The following ANKMY1 variants were observed in gnomAD, a reference collection of about 807,000 sequenced individuals.
ANKMY1 encodes the protein ankyrin repeat and MYND domain-containing protein 1.
In ANKMY1, 98 loss-of-function variants were observed where a neutral mutation model predicts 102.0. That is an observed-to-expected ratio of 0.96 (90% CI 0.82 to 1.14). The LOEUF (loss-of-function observed/expected upper bound fraction) is 1.14. Among genes scored for constraint, ANKMY1 ranks in the 50% most tolerant of loss-of-function variants. The pLI, the probability that ANKMY1 is intolerant of heterozygous loss-of-function variation, is 0.00. For missense variants in ANKMY1, 1,330 were observed against 1,347.6 expected (o/e 0.99, Z 0.20); for synonymous variants, 582 against 559.9 (o/e 1.04, Z -0.56).
At chr2:240,527,039 G>T in intron 5 of ANKMY1, 1 of 989,718 alleles carries the variant, frequency 1.0e-6, no homozygotes, top group Non-Finnish European at 1.2e-6. Context: ...ATGGATGGTT[G>T]GGTAGGTGGA....
chr2:240,542,748 T>C (rs1399027233), intron 4 of ANKMY1, among the ~76,000 whole-genome samples: 2 of 148,992 alleles, frequency 1.3e-5, no homozygotes, highest in Non-Finnish European at 3.0e-5. Context: ...ATGTATAAAT[T>C]TATTATGTTA....
In ANKMY1 at chr2:240,511,930, G is replaced by A. The variant is rs1340238774; in HGVS notation, c.2217C>T (p.Asp739=). Residue 739 remains aspartate, a synonymous_variant, in exon 11 of 18, where the codon GAC becomes GAT. Transcript: ENST00000401804. ...PGPPQAYYST[D]TALPEEGGRT... ...TGCCCCCCTCCTCCGGGAGGGCTGT[G>A]TCCGTGCTGTAGTAGGCTTGGGGAG... 1.3e-6 allele frequency: 2 copies of A among 1,580,040 alleles called. No individual in the cohort carries two copies. Among genetic ancestry groups the A allele is most frequent in the Non-Finnish European group, 1.7e-6 (2 of 1,169,426 alleles).
At chr2:240,507,134 A>AT (rs2079212418) in intron 13 of ANKMY1, among the ~76,000 whole-genome samples, 1 of 151,892 alleles carries the variant, frequency 6.6e-6, no homozygotes, top group South Asian at 2.1e-4. Flanking sequence ...GCCACTTCAT[A>AT]TTTTTTAAGG....
rs2082036500 is a variant in ANKMY1 at position 240,520,629 on chromosome 2, C to T, written c.1833-96G>A. 1 of 1,434,224 alleles carries T rather than the reference C, an allele frequency of 7.0e-7. No homozygotes were observed. The highest frequency in any genetic ancestry group is 1.4e-5 in the South Asian group (1 of 72,744). 88.8% of individuals were successfully genotyped at this position (1,434,224 alleles called of 1,614,324 possible). ...CCAGCGAGGAGGCTGGGGAGGGGCG[C>T]GTAGGGAGTATGTGTGTGCCGCAAC... On this transcript the variant is annotated intron_variant, in intron 8 of 17. Transcript: ENST00000401804. The surrounding 1 kb of genome is among the most constrained non-coding windows in gnomAD (Gnocchi z 4.8).
At chr2:240,548,706 C>T (rs1323631385) in intron 4 of ANKMY1, among the ~76,000 whole-genome samples, 2 of 151,596 alleles carry the variant, frequency 1.3e-5, no homozygotes, top group African/African-American at 4.9e-5. Context: ...CAAAAGCATT[C>T]TTATACACCA....
At chr2:240,471,430 T>C in the ANKMY1 span, among the ~76,000 whole-genome samples, 45,924 of 116,644 alleles carry the variant, frequency 0.39, 7,296 homozygotes, top group Middle Eastern at 0.48. Flanking sequence ...AATGAAAAAA[T>C]AAAATAAAAT....
Position 240,524,180 on chromosome 2 carries a change from T to C in ANKMY1, c.1537A>G (p.Ile513Val), listed in dbSNP as rs998143817. 9 of 1,613,802 alleles carry C rather than the reference T, an allele frequency of 5.6e-6. No individual in the cohort carries two copies. Among genetic ancestry groups the C allele is most frequent in the Non-Finnish European group, 7.6e-6 (9 of 1,180,036 alleles). ...FQDTGQCGGS[I>V]DHRSSSLKGD... ...TTCAGAGAGCTGCTCCTGTGGTCTA[T>C]GGACCCCCCACACTGCCCGGTGTCC... Residue 513 changes from isoleucine to valine, a missense_variant, in exon 8 of 18, where the codon ATA (isoleucine) becomes GTA (valine). By Grantham distance (29) the Ile-to-Val change is conservative. Transcript: ENST00000401804.
intron 9 of ANKMY1, among the ~76,000 whole-genome samples, chr2:240,514,157 G>A (rs901467714): frequency 1.3e-5 from 2 of 152,242 alleles, no homozygotes; most frequent in South Asian, 4.1e-4. Flanking sequence ...GCTGAGGGGT[G>A]AATCAGGAAA....
Position 240,499,844 on chromosome 2 carries a change from C to T in ANKMY1, c.2806+114G>A. ...GGGGACAAGCCGACGAGCCCAGCCC[C>T]AGGAAGGCCCCTCCAAGAGCCCCAG... On this transcript the variant is annotated intron_variant, in intron 15 of 17. Transcript: ENST00000401804. This position sits in a 1 kb window ranked among gnomAD's most constrained non-coding sequence, Gnocchi z 4.2. 1.5e-6 allele frequency: 2 copies of T among 1,355,864 alleles called. No homozygotes were observed. The highest frequency in any genetic ancestry group is 3.1e-5 in the South Asian group (2 of 64,432). The allele number at this position is 1,355,864 out of a possible 1,614,324, so 84.0% of individuals were successfully genotyped here.
intron 15 of ANKMY1, among the ~76,000 whole-genome samples, chr2:240,494,417 A>G (rs982253864): frequency 1.2e-4 from 19 of 152,082 alleles, no homozygotes; most frequent in Non-Finnish European, 2.8e-4. Flanking sequence ...CCCCACTTAC[A>G]TCCCTGTCTC....
At chr2:240,552,689 AG>A (rs1478754190) in intron 4 of ANKMY1, 1 of 608,366 alleles carries the variant, frequency 1.6e-6, no homozygotes, top group Non-Finnish European at 2.8e-6. Flanking sequence ...TTAAATCTAA[AG>A]GACATGTAAC....
At chr2:240,487,304 A>C (rs2076165262) in intron 15 of ANKMY1, among the ~76,000 whole-genome samples, 1 of 152,234 alleles carries the variant, frequency 6.6e-6, no homozygotes, top group African/African-American at 2.4e-5. Context: ...TACAAATGAC[A>C]TGATTTAATT....
At chr2:240,501,047 T>C (rs1215287697) in intron 13 of ANKMY1, among the ~76,000 whole-genome samples, 1 of 151,986 alleles carries the variant, frequency 6.6e-6, no homozygotes, top group East Asian at 1.9e-4. Flanking sequence ...TGTGCATGCA[T>C]GGGTATGTGT....
chr2:240,538,042 A>G (rs2087333271), intron 4 of ANKMY1, among the ~76,000 whole-genome samples: 2 of 152,216 alleles, frequency 1.3e-5, no homozygotes, highest in Admixed American at 6.5e-5. Flanking sequence ...TGATTCATCA[A>G]TCGTTCATTG....
intron 4 of ANKMY1, among the ~76,000 whole-genome samples, chr2:240,544,966 A>C (rs928943147): frequency 2.0e-5 from 3 of 152,234 alleles, no homozygotes; most frequent in African/African-American, 7.2e-5. Context: ...TTGCTTAGGT[A>C]AACAAAGCAG....
chr2:240,478,530 C>T (rs2075012888), downstream of ANKMY1, among the ~76,000 whole-genome samples: 1 of 152,106 alleles, frequency 6.6e-6, no homozygotes. Flanking sequence ...CCAGGGGCAG[C>T]CTGTGGCTGG....
rs541777675 is a variant in ANKMY1, at chr2:240,495,171, C to T, written c.2806+4787G>A. Among the ~76,000 whole-genome samples, 24 of 152,220 alleles carry T rather than the reference C, an allele frequency of 1.6e-4. 1 individual carries two copies. The East Asian group carries it at 3.9e-3, about 25-fold the overall frequency. On this transcript the variant is annotated intron_variant, in intron 15 of 17. Coordinates refer to ENST00000401804, the MANE Select transcript of ANKMY1 (RefSeq NM_001282771.3). ...TAACACCAGTGTCTGGGAAGACGCC[C>T]GTTACCAAGCGGACCGTGGTCTAGC...
chr2:240,513,958 G>A (rs575832720), intron 9 of ANKMY1, among the ~76,000 whole-genome samples: 1 of 152,364 alleles, frequency 6.6e-6, no homozygotes, highest in Non-Finnish European at 1.5e-5. Flanking sequence ...GAGGGACGCA[G>A]ACCCAAGCAG....
chr2:240,527,890 G>A (rs941596628), intron 5 of ANKMY1: 7 of 152,190 alleles, frequency 4.6e-5, no homozygotes, highest in Non-Finnish European at 1.0e-4. Flanking sequence ...TGAAAAAGCA[G>A]CCACTTATTC....
Sources: gnomAD v4.1 joint callset for allele counts (sites outside exome capture counted in the v4.1 genomes callset) on GRCh38, gnomAD v4.1.1 for gene constraint, Gnocchi (gnomAD v3.1) non-coding constraint, MANE v1.5 for transcripts, NCBI Gene and HGNC (gene_info 2026-07-23, HGNC 2026-07-21) for gene names.